The following STYK1 variants were observed in gnomAD, a reference collection of about 807,000 sequenced individuals.
The protein encoded by STYK1 is STY kinase 1.
A neutral mutation model predicts 48.1 loss-of-function variants in STYK1; 46 were observed. That is an observed-to-expected ratio of 0.96 (90% CI 0.75 to 1.22). The LOEUF (loss-of-function observed/expected upper bound fraction) is 1.22, where lower values mean the gene tolerates loss of function less well. STYK1 is among the 50% of genes most tolerant of loss of function. STYK1 has a pLI of 0.00. For missense variants in STYK1, 527 were observed against 521.1 expected (o/e 1.01, Z -0.11); for synonymous variants, 188 against 189.0 (o/e 0.99, Z 0.04).
intron 3 of STYK1, 119 bp from the exon 4 acceptor site, chr12:10,634,243 C>A: frequency 8.5e-7 from 1 of 1,181,984 alleles, no homozygotes; most frequent in Admixed American, 2.3e-5. Context: ...TCTCTTCTAC[C>A]ATCTCCTCTA....
In STYK1 at chr12:10,629,595, C is replaced by T; in HGVS notation, c.531G>A (p.Leu177=). ...CAGTGCAGCAGCCTTCCAGCTGCAC[C>T]AGGTTTTTGTGTTTCCCCAGGTATT... is the stretch of plus-strand genomic sequence containing the variant. ...FHQYLGKHKN[L]VQLEGCCTEK... is the part of the protein sequence containing the mutation. The change falls in exon 6 of 11, where the codon CTG becomes CTA. Residue 177 remains leucine, a synonymous_variant. Coordinates refer to ENST00000075503, the MANE Select transcript of STYK1 (RefSeq NM_018423.3). The T allele has an allele frequency of 6.2e-7, 1 of 1,614,148 alleles. No individual in the cohort carries two copies. Among genetic ancestry groups the T allele is most frequent in the Non-Finnish European group, 8.5e-7 (1 of 1,180,034 alleles).
At chr12:10,661,587 C>T (rs577263375) in intron 1 of STYK1, among the ~76,000 whole-genome samples, 36 of 152,320 alleles carry the variant, frequency 2.4e-4, no homozygotes, top group African/African-American at 8.2e-4. Context: ...TAACAGCAAA[C>T]ATTTATATAG....
At chr12:10,633,886 G>A (rs1947456063) in intron 4 of STYK1, 104 bp downstream of exon 4, 1 of 1,386,324 alleles carries the variant, frequency 7.2e-7, no homozygotes, top group Non-Finnish European at 9.8e-7. Flanking sequence ...TCTCATTGCA[G>A]GTACCTAGAC....
chr12:10,647,777 C>T (rs1947616609), intron 1 of STYK1, among the ~76,000 whole-genome samples: 1 of 152,064 alleles, frequency 6.6e-6, no homozygotes, highest in Non-Finnish European at 1.5e-5. Flanking sequence ...CTTTCCTGTG[C>T]TTGTGAGAGT....
chr12:10,633,619 C>T (rs566651421), intron 4 of STYK1, among the ~76,000 whole-genome samples: 13 of 152,190 alleles, frequency 8.5e-5, no homozygotes, highest in East Asian at 1.9e-4. Flanking sequence ...AGGAATGGAA[C>T]GTATCATAGG....
rs1038460268 is a variant in STYK1, at chr12:10,627,540, C to T, written c.717+101G>A. The stretch of plus-strand genomic sequence containing the variant: ...AACTTCTATCTAATTTTCTTTAAAA[C>T]ATACACACCACTTGAGAATATTAAT... On this transcript the variant is annotated intron_variant, in intron 7 of 10. Coordinates refer to ENST00000075503, the MANE Select transcript of STYK1 (RefSeq NM_018423.3). The T allele has an allele frequency of 4.6e-6, 5 of 1,097,512 alleles. No homozygotes were observed. The African/African-American group carries it at 8.1e-5, about 18-fold the overall frequency. 68.0% of individuals were successfully genotyped at this position (1,097,512 alleles called of 1,614,324 possible).
At chr12:10,649,708 A>C (rs1003590646) in intron 1 of STYK1, among the ~76,000 whole-genome samples, 1 of 152,246 alleles carries the variant, frequency 6.6e-6, no homozygotes, top group African/African-American at 2.4e-5. Flanking sequence ...TGATAGCAGA[A>C]ATACAAAAGA....
At chr12:10,661,844 TTG>T (rs138484679) in intron 1 of STYK1, among the ~76,000 whole-genome samples, 2 of 30,324 alleles carry the variant, frequency 6.6e-5, no homozygotes, top group South Asian at 3.1e-3. Context: ...TTAATATTAC[TTG>T]TGTTTTATAA....
intron 1 of STYK1, among the ~76,000 whole-genome samples, chr12:10,657,074 T>C (rs1472037296): frequency 6.6e-6 from 1 of 152,128 alleles, no homozygotes; most frequent in African/African-American, 2.4e-5. Context: ...ATACTGGAAG[T>C]GTCCCCATTG....
At chr12:10,633,787 G>T (rs1462390406) in intron 4 of STYK1, among the ~76,000 whole-genome samples, 2 of 152,056 alleles carry the variant, frequency 1.3e-5, no homozygotes, top group East Asian at 3.9e-4. Context: ...TCTTTTTTCA[G>T]TCAGTAAGCA....
At chr12:10,623,832 G>A (rs919903610) in intron 8 of STYK1, among the ~76,000 whole-genome samples, 4 of 151,984 alleles carry the variant, frequency 2.6e-5, no homozygotes, top group Non-Finnish European at 5.9e-5. Flanking sequence ...TACACTAAAA[G>A]ATACTATTTA....
intron 1 of STYK1, among the ~76,000 whole-genome samples, chr12:10,668,339 T>G (rs1193618226): frequency 6.6e-6 from 1 of 151,860 alleles, no homozygotes; most frequent in Non-Finnish European, 1.5e-5. Context: ...GTCTGTGTAA[T>G]TTGCTGCTGC....
intron 1 of STYK1, among the ~76,000 whole-genome samples, chr12:10,658,932 C>A (rs925672591): frequency 1.2e-4 from 19 of 152,144 alleles, no homozygotes; most frequent in Admixed American, 1.3e-4. Flanking sequence ...GACTTTCTGT[C>A]ATTCACAGAC....
intron 1 of STYK1, among the ~76,000 whole-genome samples, chr12:10,645,022 A>G (rs952778565): frequency 3.7e-4 from 56 of 152,294 alleles, no homozygotes; most frequent in African/African-American, 1.2e-3. Context: ...GGCTACATGA[A>G]GGAAGAGGAA....
At chr12:10,624,994 T>C (rs1947340136) in intron 7 of STYK1, 135 bp from the exon 8 acceptor site, 1 of 702,354 alleles carries the variant, frequency 1.4e-6, no homozygotes, top group Admixed American at 2.3e-5. Context: ...AATAATGATA[T>C]GTCACTTCCA....
At chr12:10,635,092 T>A (rs533334126) in intron 2 of STYK1, among the ~76,000 whole-genome samples, 5 of 152,228 alleles carry the variant, frequency 3.3e-5, no homozygotes, top group South Asian at 4.1e-4. Flanking sequence ...TCTAATATAT[T>A]TTTTTTAGCT....
At chr12:10,663,515 C>T (rs1398607699) in intron 1 of STYK1, among the ~76,000 whole-genome samples, 2 of 137,194 alleles carry the variant, frequency 1.5e-5, no homozygotes, top group Non-Finnish European at 3.1e-5. Flanking sequence ...AGGAGAATGG[C>T]GTGAACCTGG....
chr12:10,629,196 T>C (rs1490105702), intron 6 of STYK1, among the ~76,000 whole-genome samples: 1 of 152,244 alleles, frequency 6.6e-6, no homozygotes, highest in Non-Finnish European at 1.5e-5. Context: ...CACCTGTGGC[T>C]ATTTAAACTT....
At chr12:10,649,893 G>A (rs1467349533) in intron 1 of STYK1, among the ~76,000 whole-genome samples, 1 of 151,886 alleles carries the variant, frequency 6.6e-6, no homozygotes, top group African/African-American at 2.4e-5. Context: ...CGGGCGGATC[G>A]CGAGGTCAGG....
Sources: allele counts gnomAD v4.1 joint callset (sites outside exome capture counted in the v4.1 genomes callset), GRCh38; gene constraint gnomAD v4.1.1; transcripts MANE v1.5; gene names NCBI Gene and HGNC (gene_info 2026-07-23, HGNC 2026-07-21).